SLC24A2: variants seen among roughly 807,000 people sequenced by gnomAD.
SLC24A2 encodes the protein solute carrier family 24 member 2, also known as sodium/potassium/calcium exchanger 2.
A neutral mutation model predicts 62.0 loss-of-function variants in SLC24A2; 36 were observed. The ratio of observed to expected loss-of-function variants is 0.58; its 90% CI spans 0.44 to 0.77. The LOEUF is 0.77. Among genes scored for constraint, SLC24A2 ranks in the 30% least tolerant of loss-of-function variants. SLC24A2 has a pLI of 0.00. For synonymous variants in SLC24A2, 358 were observed against 294.0 expected (o/e 1.22, Z -2.23); for missense variants, 846 against 817.9 (o/e 1.03, Z -0.42).
At chr9:20,052,658 C>A in the SLC24A2 span, among the ~76,000 whole-genome samples, 1 of 152,192 alleles carries the variant, frequency 6.6e-6, no homozygotes, top group South Asian at 2.1e-4. Context: ...CTGGTGAGGA[C>A]TCTACCTATT....
chr9:20,064,457 G>A, the SLC24A2 span, among the ~76,000 whole-genome samples: 29 of 152,070 alleles, frequency 1.9e-4, no homozygotes, highest in African/African-American at 6.3e-4. Flanking sequence ...TATAATTTAC[G>A]GTAAATAAAT....
the SLC24A2 span, among the ~76,000 whole-genome samples, chr9:19,810,807 G>A: frequency 2.0e-4 from 31 of 152,088 alleles, no homozygotes; most frequent in African/African-American, 7.0e-4. Context: ...TTAAAAAAAT[G>A]TGTGAGGTCC....
intron 5 of SLC24A2, among the ~76,000 whole-genome samples, chr9:19,596,758 T>A (rs1247834804): frequency 6.6e-6 from 1 of 152,182 alleles, no homozygotes; most frequent in Non-Finnish European, 1.5e-5. Flanking sequence ...CCTACAGTCC[T>A]CCACATCAGA....
At position 19,511,203 on chromosome 9, in the gene SLC24A2, T is replaced by C. The variant is rs1832702815; in HGVS notation, c.*4950A>G. ...GTAATCATAAGTAATAGAGTTGAGCTGGCTGTGAGTAGTTCCCTTATTGCT... is the reference window on the plus strand; with the variant it reads ...GTAATCATAAGTAATAGAGTTGAGCCGGCTGTGAGTAGTTCCCTTATTGCT... On this transcript the variant is annotated 3_prime_UTR_variant, in exon 11 of 11. Transcript: ENST00000341998. The C allele has an allele frequency of 6.6e-6, 1 of 152,156 alleles. No individual in the cohort carries two copies. Among genetic ancestry groups the C allele is most frequent in the South Asian group, 2.1e-4 (1 of 4,832 alleles). The allele number at this position is 152,156 out of a possible 1,614,324, so 9.4% of individuals were successfully genotyped here.
At chr9:19,598,376 G>T (rs1836760967) in intron 4 of SLC24A2, among the ~76,000 whole-genome samples, 1 of 152,088 alleles carries the variant, frequency 6.6e-6, no homozygotes, top group Non-Finnish European at 1.5e-5. Flanking sequence ...GCAAGATGAA[G>T]GATCTAGCTT....
At position 19,513,329 on chromosome 9, in the gene SLC24A2, T is replaced by C. The variant is rs1589111707; in HGVS notation, c.*2824A>G. 2 of 152,096 alleles carry C rather than the reference T, an allele frequency of 1.3e-5. No individual in the cohort carries two copies. The highest frequency in any genetic ancestry group is 4.8e-5 in the African/African-American group (2 of 41,464). 9.4% of individuals were successfully genotyped at this position (152,096 alleles called of 1,614,324 possible). ...TTTAAAGACCCATTGTTGAACTCTG[T>C]ACACATCTCTCTGAATTTACCCTGG... On this transcript the variant is annotated 3_prime_UTR_variant, in exon 11 of 11. Transcript: ENST00000341998.
chr9:20,272,024 T>C, the SLC24A2 span, among the ~76,000 whole-genome samples: 1 of 152,230 alleles, frequency 6.6e-6, no homozygotes, highest in Non-Finnish European at 1.5e-5. Flanking sequence ...AACTTGGGGC[T>C]ACTTCTCACA....
intron 2 of SLC24A2, among the ~76,000 whole-genome samples, chr9:19,761,579 C>T (rs1196149709): frequency 6.6e-6 from 1 of 151,516 alleles, no homozygotes; most frequent in Non-Finnish European, 1.5e-5. Context: ...TGTGCTGCAC[C>T]CATTAACTTC....
chr9:19,520,863 T>A (rs779027264), intron 10 of SLC24A2, 31 bp downstream of exon 10: 1 of 1,609,698 alleles, frequency 6.2e-7, no homozygotes, highest in East Asian at 2.2e-5. Flanking sequence ...GTGGAGCTGG[T>A]GCACACCTTT....
chr9:20,119,239 G>C, the SLC24A2 span, among the ~76,000 whole-genome samples: 2 of 152,040 alleles, frequency 1.3e-5, no homozygotes. Context: ...CTGTAGCCTT[G>C]TGAGACTCTA....
chr9:19,624,237 G>A (rs1250103117), intron 2 of SLC24A2, among the ~76,000 whole-genome samples: 1 of 152,174 alleles, frequency 6.6e-6, no homozygotes, highest in African/African-American at 2.4e-5. Flanking sequence ...CGCCTGGTCA[G>A]TTAACAAATT....
At chr9:19,562,724 TTTTATAA>T in intron 7 of SLC24A2, among the ~76,000 whole-genome samples, 1 of 152,300 alleles carries the variant, frequency 6.6e-6, no homozygotes, top group East Asian at 1.9e-4. Flanking sequence ...TTTTTGCTTG[TTTTATAA>T]TTTGTCTTAG....
chr9:19,570,682 T>A (rs758528621), intron 7 of SLC24A2, among the ~76,000 whole-genome samples: 1 of 152,242 alleles, frequency 6.6e-6, no homozygotes, highest in African/African-American at 2.4e-5. Flanking sequence ...TTTATGTACA[T>A]TATTTCATTT....
intron 2 of SLC24A2, among the ~76,000 whole-genome samples, chr9:19,645,196 C>T (rs1221265001): frequency 2.6e-5 from 4 of 152,148 alleles, no homozygotes; most frequent in Admixed American, 6.5e-5. Context: ...TACACCAGCT[C>T]CTAGAGATTA....
At chr9:19,936,654 A>G in the SLC24A2 span, among the ~76,000 whole-genome samples, 1 of 152,238 alleles carries the variant, frequency 6.6e-6, no homozygotes, top group Non-Finnish European at 1.5e-5. Context: ...TATATTATTT[A>G]AAGTTGCAAT....
chr9:19,879,932 C>A, the SLC24A2 span, among the ~76,000 whole-genome samples: 1 of 151,998 alleles, frequency 6.6e-6, no homozygotes, highest in Non-Finnish European at 1.5e-5. Flanking sequence ...CCCTCTTAAA[C>A]CTGGTTCTTA....
At chr9:19,562,018 T>C (rs1835428066) in intron 7 of SLC24A2, among the ~76,000 whole-genome samples, 1 of 152,198 alleles carries the variant, frequency 6.6e-6, no homozygotes, top group South Asian at 2.1e-4. Context: ...AACCATTCTG[T>C]AATCCTGCAA....
the SLC24A2 span, among the ~76,000 whole-genome samples, chr9:20,263,852 A>ACCC: frequency 3.7e-5 from 1 of 27,166 alleles, no homozygotes; most frequent in Non-Finnish European, 5.4e-5. Context: ...CCTCCTGGAT[A>ACCC]TCCCACCCGC....
At chr9:19,827,921 T>A in the SLC24A2 span, among the ~76,000 whole-genome samples, 2 of 152,202 alleles carry the variant, frequency 1.3e-5, no homozygotes, top group African/African-American at 4.8e-5. Context: ...TTTCTTCTCC[T>A]GAAAATTGAG....
Sources: allele counts gnomAD v4.1 joint callset (sites outside exome capture counted in the v4.1 genomes callset), GRCh38; gene constraint gnomAD v4.1.1; transcripts MANE v1.5; gene names NCBI Gene and HGNC (gene_info 2026-07-23, HGNC 2026-07-21).